The following LEPROTL1 variants were observed in gnomAD, a reference collection of about 807,000 sequenced individuals.
LEPROTL1 encodes leptin receptor overlapping transcript like 1.
In LEPROTL1, 6 loss-of-function variants were observed where a neutral mutation model predicts 15.4. The observed-to-expected ratio is 0.39, with a 90% CI of 0.21 to 0.77. LEPROTL1 has a LOEUF of 0.77. Among genes scored for constraint, LEPROTL1 ranks in the 30% least tolerant of loss-of-function variants. The pLI is 0.41. For synonymous variants in LEPROTL1, 56 were observed against 52.6 expected (o/e 1.06, Z -0.28); for missense variants, 128 against 158.1 (o/e 0.81, Z 1.02).
intron 3 of LEPROTL1, among the ~76,000 whole-genome samples, chr8:30,130,591 T>A (rs1485093406): frequency 6.6e-6 from 1 of 152,158 alleles, no homozygotes; most frequent in Non-Finnish European, 1.5e-5. Flanking sequence ...AAACCCACCC[T>A]CAAAGTCATA....
intron 3 of LEPROTL1, among the ~76,000 whole-genome samples, chr8:30,121,301 G>A (rs1430505610): frequency 6.6e-6 from 1 of 151,994 alleles, no homozygotes; most frequent in Non-Finnish European, 1.5e-5. Flanking sequence ...CGCCCAGGCT[G>A]GAGTGCCGTG....
intron 1 of LEPROTL1, chr8:30,095,878 C>T: frequency 1.4e-6 from 1 of 701,250 alleles, no homozygotes; most frequent in Non-Finnish European, 2.6e-6. Context: ...GAGTTTGCAT[C>T]CGAGAGAGAG....
Position 30,107,432 on chromosome 8 carries a change from C to A in LEPROTL1, c.*1570C>A. The A allele has an allele frequency of 1.0e-6, 1 of 985,808 alleles. No individual in the cohort carries two copies. The highest frequency in any genetic ancestry group is 1.2e-6 in the Non-Finnish European group (1 of 829,906). 61.1% of individuals were successfully genotyped at this position (985,808 alleles called of 1,614,324 possible). On this transcript the variant is annotated 3_prime_UTR_variant, in exon 4 of 4. Transcript: ENST00000321250. The stretch of plus-strand genomic sequence containing the variant: ...AAAATTATTTCGCCATCAGCCAAAA[C>A]TCAGTAATCATGACAGCTGTCTGTT...
intron 4 of LEPROTL1, among the ~76,000 whole-genome samples, chr8:30,133,134 C>G (rs1387082793): frequency 6.6e-6 from 1 of 152,082 alleles, no homozygotes; most frequent in Non-Finnish European, 1.5e-5. Flanking sequence ...CCAGGCTGAT[C>G]TGAAACTCCT....
intron 2 of LEPROTL1, among the ~76,000 whole-genome samples, chr8:30,103,917 A>G (rs982773774): frequency 1.3e-5 from 2 of 152,148 alleles, no homozygotes; most frequent in Non-Finnish European, 2.9e-5. Flanking sequence ...TGAAAATCAT[A>G]CACAGAGGTC....
intron 3 of LEPROTL1, among the ~76,000 whole-genome samples, chr8:30,130,293 G>A (rs942027740): frequency 5.3e-5 from 8 of 152,120 alleles, no homozygotes; most frequent in Non-Finnish European, 5.9e-5. Context: ...CTTTTAGTGA[G>A]TACTGGAGTA....
intron 3 of LEPROTL1, among the ~76,000 whole-genome samples, chr8:30,116,496 C>T (rs558010515): frequency 6.6e-6 from 1 of 152,260 alleles, no homozygotes; most frequent in Admixed American, 6.5e-5. Context: ...AGCTTGTGAT[C>T]CTGTGAGAGT....
chr8:30,095,705 T>C, intron 1 of LEPROTL1, 177 bp downstream of exon 1: 1 of 681,382 alleles, frequency 1.5e-6, no homozygotes, highest in Non-Finnish European at 2.5e-6. Flanking sequence ...CGCGGCGCCC[T>C]CGGGCAACGG....
intron 4 of LEPROTL1, chr8:30,132,736 A>G: frequency 6.4e-7 from 1 of 1,551,734 alleles, no homozygotes; most frequent in Non-Finnish European, 8.7e-7. Flanking sequence ...GAGAGCAGGG[A>G]AAAAGAGCAA....
intron 4 of LEPROTL1, chr8:30,132,829 T>C: frequency 6.4e-7 from 1 of 1,551,722 alleles, no homozygotes; most frequent in Non-Finnish European, 8.7e-7. Context: ...TGCCTTCACT[T>C]TCCCCTCACA....
intron 1 of LEPROTL1, among the ~76,000 whole-genome samples, chr8:30,099,079 TCTAC>T (rs970101594): frequency 1.2e-4 from 18 of 152,304 alleles, no homozygotes; most frequent in Middle Eastern, 6.8e-3. Context: ...CATCCCTTAC[TCTAC>T]CTGACGTTTG....
At chr8:30,110,252 G>A (rs1055644662), downstream of LEPROTL1, among the ~76,000 whole-genome samples, 6 of 152,174 alleles carry the variant, frequency 3.9e-5, no homozygotes, top group Admixed American at 1.3e-4. Context: ...TCTAGCAGAG[G>A]GTGGTGGGAA....
intron 2 of LEPROTL1, among the ~76,000 whole-genome samples, chr8:30,102,829 CA>C (rs1274736262): frequency 6.6e-6 from 1 of 152,058 alleles, no homozygotes; most frequent in Non-Finnish European, 1.5e-5. Context: ...CAAAACTAAA[CA>C]AAATCTATTG....
rs971515017 is a variant in LEPROTL1 at position 30,095,614 on chromosome 8, T to C, written c.16+86T>C. 7.3e-5 allele frequency: 83 copies of C among 1,140,654 alleles called. No individual in the cohort carries two copies. In the African/African-American group the frequency reaches 1.1e-3, roughly 15 times the overall value. 70.7% of individuals were successfully genotyped at this position (1,140,654 alleles called of 1,614,324 possible). On this transcript the variant is annotated intron_variant, in intron 1 of 3. Coordinates refer to ENST00000321250, the MANE Select transcript of LEPROTL1 (RefSeq NM_015344.3). ...TCCCACGCGGCCCCCGCACTTCCCC[T>C]CCGGGCTCGCGCGCGCGCGTGGGGT...
chr8:30,098,098 T>G (rs1355841094), intron 1 of LEPROTL1, among the ~76,000 whole-genome samples: 1 of 152,198 alleles, frequency 6.6e-6, no homozygotes, highest in Non-Finnish European at 1.5e-5. Flanking sequence ...CTGCCTGGTT[T>G]AAATTTTTTT....
intron 4 of LEPROTL1, among the ~76,000 whole-genome samples, chr8:30,135,838 C>T (rs2117539941): frequency 6.7e-6 from 1 of 149,400 alleles, no homozygotes; most frequent in Non-Finnish European, 1.5e-5. Context: ...TGCTTGAGCC[C>T]AGGAGGTCGA....
At chr8:30,118,840 A>T (rs1474562425) in intron 3 of LEPROTL1, among the ~76,000 whole-genome samples, 1 of 152,222 alleles carries the variant, frequency 6.6e-6, no homozygotes, top group Non-Finnish European at 1.5e-5. Flanking sequence ...CTATGCCTGG[A>T]TGTGCACGTA....
chr8:30,130,777 A>AC (rs1364966185), intron 3 of LEPROTL1, among the ~76,000 whole-genome samples: 1 of 108,380 alleles, frequency 9.2e-6, no homozygotes, highest in East Asian at 2.5e-4. Context: ...ATTTTCAAAA[A>AC]AAAATTTTTT....
Position 30,107,026 on chromosome 8 carries a change from A to C in LEPROTL1, c.*1164A>C. ...CAGATAATTCATGCATTAACAGTTT[A>C]AGATTTAGACCATGGTAATAGTAGT... On this transcript the variant is annotated 3_prime_UTR_variant, in exon 4 of 4. Coordinates refer to ENST00000321250, the MANE Select transcript of LEPROTL1 (RefSeq NM_015344.3). The C allele has an allele frequency of 1.0e-6, 1 of 979,778 alleles. No homozygotes were observed. The highest frequency in any genetic ancestry group is 1.2e-6 in the Non-Finnish European group (1 of 824,706). 60.7% of individuals were successfully genotyped at this position (979,778 alleles called of 1,614,324 possible). A position where few individuals can be genotyped will look rare whatever the true frequency, so the allele number is the denominator to read the frequency against.
Sources: gnomAD v4.1 joint callset for allele counts (sites outside exome capture counted in the v4.1 genomes callset) on GRCh38, gnomAD v4.1.1 for gene constraint, MANE v1.5 for transcripts, NCBI Gene and HGNC (gene_info 2026-07-23, HGNC 2026-07-21) for gene names.